The following MDGA2 variants were observed in gnomAD, a reference collection of about 807,000 sequenced individuals.
MDGA2 encodes MAM domain-containing glycosylphosphatidylinositol anchor protein 2.
MDGA2 carries 40 observed loss-of-function variants against 117.8 expected under a neutral mutation model. The observed-to-expected ratio is 0.34, with a 90% CI of 0.26 to 0.44. The LOEUF (loss-of-function observed/expected upper bound fraction) is 0.44. Among genes scored for constraint, MDGA2 ranks in the 20% least tolerant of loss-of-function variants. The pLI, the probability that MDGA2 is intolerant of heterozygous loss-of-function variation, is 1.00. For synonymous variants in MDGA2, 452 were observed against 439.0 expected, an observed-to-expected ratio of 1.03 and a Z score of -0.37; for missense variants, 1,123 against 1,250.6, an observed-to-expected ratio of 0.90 and a Z score of 1.54.
chr14:46,882,319 G>T, intron 10 of MDGA2, 98 bp from the exon 11 acceptor site: 2 of 1,027,702 alleles, frequency 1.9e-6, no homozygotes, highest in Admixed American at 5.4e-5. Flanking sequence ...AAATCAAAAA[G>T]TACGTATATT....
At chr14:47,315,419 T>C (rs1424132733) in intron 1 of MDGA2, among the ~76,000 whole-genome samples, 1 of 152,180 alleles carries the variant, frequency 6.6e-6, no homozygotes, top group East Asian at 1.9e-4. Flanking sequence ...AAAGTTTGCC[T>C]TTTTCACTTA....
chr14:47,359,824 T>C (rs533656275), intron 1 of MDGA2, among the ~76,000 whole-genome samples: 2 of 151,476 alleles, frequency 1.3e-5, no homozygotes, highest in Admixed American at 1.3e-4. Flanking sequence ...TTAGCAATGG[T>C]TTTTTGGGTA....
chr14:47,205,444 T>C (rs899825635), intron 3 of MDGA2, among the ~76,000 whole-genome samples: 1 of 152,036 alleles, frequency 6.6e-6, no homozygotes, highest in South Asian at 2.1e-4. Context: ...TGTTTATTGG[T>C]ACATTATTAA....
intron 8 of MDGA2, among the ~76,000 whole-genome samples, chr14:46,963,821 G>A (rs757804595): frequency 1.3e-5 from 2 of 152,130 alleles, no homozygotes; most frequent in African/African-American, 4.8e-5. Flanking sequence ...TGCATCCTAT[G>A]TGTCTATTAC....
chr14:46,927,514 TGTTC>T (rs1884377739), intron 9 of MDGA2, among the ~76,000 whole-genome samples: 2 of 152,294 alleles, frequency 1.3e-5, no homozygotes, highest in Admixed American at 1.3e-4. Context: ...ATTAATAGTT[TGTTC>T]AACAGTGATA....
chr14:46,935,162 G>A (rs911626855), intron 9 of MDGA2, among the ~76,000 whole-genome samples: 4 of 152,036 alleles, frequency 2.6e-5, no homozygotes, highest in African/African-American at 7.2e-5. Context: ...GAAATTCCAC[G>A]GATGTTATTT....
At chr14:47,440,734 A>T (rs1892991155) in intron 1 of MDGA2, among the ~76,000 whole-genome samples, 1 of 152,026 alleles carries the variant, frequency 6.6e-6, no homozygotes, top group African/African-American at 2.4e-5. Context: ...AAAATATAAA[A>T]AACAGTGAGA....
chr14:46,934,292 C>T (rs534835261), intron 9 of MDGA2, among the ~76,000 whole-genome samples: 1 of 152,050 alleles, frequency 6.6e-6, no homozygotes, highest in Admixed American at 6.6e-5. Context: ...ATAAATTATT[C>T]TTTTATAATT....
intron 2 of MDGA2, among the ~76,000 whole-genome samples, chr14:47,273,064 T>A (rs1222791385): frequency 6.6e-6 from 1 of 152,108 alleles, no homozygotes; most frequent in Non-Finnish European, 1.5e-5. Flanking sequence ...CTTGACCCCC[T>A]TTTTAGTCCC....
chr14:47,115,221 A>C lies in MDGA2; in HGVS notation c.925+16493T>G, dbSNP rs894768530. ...AGAAGTAATTTTATAAAATACAATAAGAATATAATATCTTGATTGCTTGAG... is the reference window on the plus strand; with the variant it reads ...AGAAGTAATTTTATAAAATACAATACGAATATAATATCTTGATTGCTTGAG... On this transcript the variant is annotated intron_variant, in intron 5 of 16. Coordinates refer to ENST00000399232, the MANE Select transcript of MDGA2 (RefSeq NM_001113498.3). 1.1e-4 allele frequency among the ~76,000 whole-genome samples: 17 copies of C among 152,202 alleles called. No homozygotes were observed. The East Asian group carries it at 1.9e-3, about 17-fold the overall frequency.
At chr14:46,906,954 T>C (rs912412152) in intron 10 of MDGA2, among the ~76,000 whole-genome samples, 5 of 150,344 alleles carry the variant, frequency 3.3e-5, no homozygotes, top group Non-Finnish European at 7.4e-5. Flanking sequence ...CAACACTGCA[T>C]TCTTTGCTTA....
chr14:46,898,331 T>C (rs1358397438), intron 10 of MDGA2, among the ~76,000 whole-genome samples: 1 of 152,064 alleles, frequency 6.6e-6, no homozygotes, highest in African/African-American at 2.4e-5. Flanking sequence ...TTGAAGAATA[T>C]TGAAAAATAA....
At position 46,841,911 on chromosome 14, in the gene MDGA2, T is replaced by C. The variant is rs1880628167; in HGVS notation, c.*20A>G. 3 of 1,535,552 alleles carry C rather than the reference T, an allele frequency of 2.0e-6. No homozygotes were observed. The highest frequency in any genetic ancestry group is 1.4e-5 in the African/African-American group (1 of 72,848). On this transcript the variant is annotated 3_prime_UTR_variant, in exon 17 of 17. Transcript: ENST00000399232. ...ATGCCAGTGCCTGGTGAATCTTTTATAGCCTCTGCCAGGATAAGGTCACCT... is the reference window on the plus strand; with the variant it reads ...ATGCCAGTGCCTGGTGAATCTTTTACAGCCTCTGCCAGGATAAGGTCACCT...
chr14:47,308,436 T>G (rs941201573), intron 1 of MDGA2, among the ~76,000 whole-genome samples: 3 of 151,880 alleles, frequency 2.0e-5, no homozygotes, highest in African/African-American at 7.2e-5. Flanking sequence ...CCTTCCACAT[T>G]CTTAAAAAAT....
intron 10 of MDGA2, among the ~76,000 whole-genome samples, chr14:46,919,170 T>C (rs1376708694): frequency 1.3e-5 from 2 of 152,202 alleles, no homozygotes; most frequent in African/African-American, 4.8e-5. Context: ...TCAGTCTTAC[T>C]CGATGAAAAT....
intron 1 of MDGA2, among the ~76,000 whole-genome samples, chr14:47,627,961 ACACT>A (rs1483854842): frequency 6.6e-6 from 1 of 152,102 alleles, no homozygotes; most frequent in Admixed American, 6.5e-5. Context: ...AAGAACTGTA[ACACT>A]CACCGTGAGG....
At chr14:47,107,107 G>A (rs902897526) in intron 5 of MDGA2, among the ~76,000 whole-genome samples, 10 of 145,184 alleles carry the variant, frequency 6.9e-5, no homozygotes, top group South Asian at 4.4e-4. Context: ...TCCCTCCTTG[G>A]CGACCGATCA....
chr14:47,270,389 A>C (rs1277611041), intron 2 of MDGA2, among the ~76,000 whole-genome samples: 1 of 152,180 alleles, frequency 6.6e-6, no homozygotes, highest in Non-Finnish European at 1.5e-5. Context: ...CTGAGAAGAG[A>C]AGCGTTAATA....
chr14:46,981,173 G>GGC (rs879377392), intron 8 of MDGA2, among the ~76,000 whole-genome samples: 9 of 108,470 alleles, frequency 8.3e-5, no homozygotes, highest in African/African-American at 2.4e-4. Context: ...GGAGGCCAAG[G>GGC]GGGGGGCGGA....
Sources: allele counts gnomAD v4.1 joint callset (sites outside exome capture counted in the v4.1 genomes callset), GRCh38; gene constraint gnomAD v4.1.1; transcripts MANE v1.5; gene names NCBI Gene and HGNC (gene_info 2026-07-23, HGNC 2026-07-21).